TTK: variants seen among roughly 807,000 people sequenced by gnomAD.
The protein encoded by TTK is TTK protein kinase.
Under a neutral mutation model 117.3 loss-of-function variants are expected in TTK, and 59 were observed. The observed-to-expected ratio is 0.50, with a 90% CI of 0.41 to 0.62. TTK has a LOEUF of 0.62. TTK is among the 20% of genes least tolerant of loss of function. The pLI is 0.00. For synonymous variants in TTK, 302 were observed against 325.0 expected (o/e 0.93, Z 0.76); for missense variants, 921 against 989.4 (o/e 0.93, Z 0.93).
intron 2 of TTK, among the ~76,000 whole-genome samples, chr6:80,007,338 T>C (rs1275447543): frequency 1.3e-5 from 2 of 152,130 alleles, no homozygotes; most frequent in African/African-American, 4.8e-5. Context: ...TAATGTTGAA[T>C]GGTTAAGGTT....
At position 80,005,747 on chromosome 6, in the gene TTK, G is replaced by A. The variant is rs934863604; in HGVS notation, c.-2-95G>A. On this transcript the variant is annotated intron_variant, in intron 1 of 21. Coordinates refer to ENST00000369798, the MANE Select transcript of TTK (RefSeq NM_003318.5). ...CTGCATTTAGATGTGTTCACAAAAC[G>A]AATGCTTTAGTCGTCTGGGTTCTAA... 9.9e-6 allele frequency: 14 copies of A among 1,409,636 alleles called. No individual in the cohort carries two copies. In the African/African-American group the frequency reaches 1.3e-4, roughly 13 times the overall value. The allele number at this position is 1,409,636 out of a possible 1,614,324, so 87.3% of individuals were successfully genotyped here.
intron 1 of TTK, among the ~76,000 whole-genome samples, chr6:80,005,299 T>G (rs983848427): frequency 6.6e-6 from 1 of 152,170 alleles, no homozygotes; most frequent in African/African-American, 2.4e-5. Flanking sequence ...TAGTGTTAGA[T>G]TAAGGTAGCA....
chr6:80,040,798 TCA>T, intron 21 of TTK, 95 bp downstream of exon 21: 1 of 1,041,512 alleles, frequency 9.6e-7, no homozygotes, highest in Non-Finnish European at 1.4e-6. Context: ...GTTGGTCCAA[TCA>T]TCAGATCAGT....
At position 80,026,441 on chromosome 6, in the gene TTK, A is replaced by G; in HGVS notation, c.1321A>G (p.Thr441Ala). ...TTCAAAACAGTCACCACCAATATCA[A>G]CATCTAAATGGTTTGACCCAAAATC... ...SVSKQSPPIS[T>A]SKWFDPKSIC... Residue 441 changes from threonine to alanine, a missense_variant, in exon 12 of 22, where the codon ACA becomes GCA. Thr to Ala is a moderately conservative substitution (Grantham distance 58, BLOSUM62 0). Transcript: ENST00000369798. 3.1e-6 allele frequency: 5 copies of G among 1,613,906 alleles called. No individual in the cohort carries two copies. Among genetic ancestry groups the G allele is most frequent in the Non-Finnish European group, 4.2e-6 (5 of 1,179,892 alleles).
chr6:80,008,724 T>C (rs1335897860), intron 4 of TTK, among the ~76,000 whole-genome samples: 3 of 152,090 alleles, frequency 2.0e-5, no homozygotes, highest in Non-Finnish European at 2.9e-5. Context: ...GAACATTGTG[T>C]ATGTGCTACT....
intron 18 of TTK, among the ~76,000 whole-genome samples, chr6:80,039,030 C>T (rs1767978548): frequency 6.6e-6 from 1 of 152,006 alleles, no homozygotes; most frequent in Non-Finnish European, 1.5e-5. Flanking sequence ...CAGTTAGTAA[C>T]ACATCTTCAA....
chr6:80,014,647 A>G, intron 10 of TTK, 61 bp downstream of exon 10: 1 of 1,486,420 alleles, frequency 6.7e-7, no homozygotes, highest in Non-Finnish European at 9.0e-7. Context: ...TGATAGCTTA[A>G]GAAAGCAGAC....
intron 13 of TTK, 83 bp from the exon 14 acceptor site, chr6:80,031,384 T>C (rs1245797170): frequency 1.5e-6 from 1 of 650,850 alleles, no homozygotes; most frequent in East Asian, 3.5e-5. Flanking sequence ...AATTTCAAAA[T>C]GGGGAGCAGT....
chr6:80,029,389 C>T (rs929505501), intron 13 of TTK, among the ~76,000 whole-genome samples: 1 of 152,114 alleles, frequency 6.6e-6, no homozygotes, highest in Non-Finnish European at 1.5e-5. Flanking sequence ...TAGATACTAA[C>T]TGGAAAGAGG....
chr6:80,008,275 C>T (rs978593014), intron 3 of TTK, 111 bp from the exon 4 acceptor site: 7 of 1,117,186 alleles, frequency 6.3e-6, no homozygotes, highest in Non-Finnish European at 8.8e-6. Flanking sequence ...TTTAATTTTA[C>T]CCACAGAAAA....
intron 8 of TTK, 51 bp from the exon 9 acceptor site, chr6:80,013,228 A>AT (rs200223255): frequency 2.6e-3 from 3,591 of 1,379,088 alleles, no homozygotes; most frequent in African/African-American, 3.7e-3. Flanking sequence ...TACATTGAAA[A>AT]TTTTTTTTTT....
chr6:80,020,230 G>A (rs1767421612), intron 10 of TTK, among the ~76,000 whole-genome samples: 2 of 152,150 alleles, frequency 1.3e-5, no homozygotes, highest in South Asian at 4.1e-4. Context: ...TGTTTGCCCT[G>A]ATAGGTAATC....
At chr6:80,035,245 C>T (rs1767864663) in intron 15 of TTK, 21 bp from the exon 16 acceptor site, 1 of 1,566,150 alleles carries the variant, frequency 6.4e-7, no homozygotes, top group African/African-American at 1.4e-5. Flanking sequence ...TGTTTTGTTG[C>T]TTTTATTTGT....
At chr6:80,011,618 T>A (rs927735754) in intron 6 of TTK, 70 bp downstream of exon 6, 27 of 1,524,332 alleles carry the variant, frequency 1.8e-5, no homozygotes, top group Middle Eastern at 1.7e-4. Flanking sequence ...TTAATGTAAT[T>A]ACATGTATCT....
At position 80,007,975 on chromosome 6, in the gene TTK, A is replaced by G; in HGVS notation, c.306A>G (p.Lys102=). 4 of 1,613,582 alleles carry G rather than the reference A, an allele frequency of 2.5e-6. No individual in the cohort carries two copies. The highest frequency in any genetic ancestry group is 2.2e-5 in the South Asian group (2 of 91,064). The part of the protein sequence containing the change: ...SQAIEALPPD[K]YGQNESFARI... ...CAATTGAAGCGCTTCCCCCAGATAA[A>G]TATGGCCAAAATGAGAGTTTTGCTA... Residue 102 remains lysine, a synonymous_variant, in exon 3 of 22, where the codon AAA becomes AAG. Coordinates refer to ENST00000369798, the MANE Select transcript of TTK (RefSeq NM_003318.5).
intron 10 of TTK, among the ~76,000 whole-genome samples, chr6:80,018,768 CTTATT>C (rs983919911): frequency 1.2e-4 from 18 of 151,888 alleles, no homozygotes; most frequent in African/African-American, 4.1e-4. Context: ...TGTCTCATTC[CTTATT>C]TTAAGGGAAA....
intron 10 of TTK, among the ~76,000 whole-genome samples, chr6:80,017,454 T>G (rs1288114720): frequency 1.3e-5 from 2 of 152,138 alleles, no homozygotes; most frequent in Non-Finnish European, 2.9e-5. Flanking sequence ...AATTTTTAGT[T>G]TTTTTGTAGA....
rs188084564 is a variant in TTK, at chr6:80,026,280, T to C, written c.1258-98T>C. On this transcript the variant is annotated intron_variant, in intron 11 of 21. Coordinates refer to ENST00000369798, the MANE Select transcript of TTK (RefSeq NM_003318.5). ...TTTTAGTATGCCTTTGTATATCATA[T>C]GTTATTATTTTATTTTAAAAGTTAT... 3.5e-4 allele frequency: 444 copies of C among 1,261,312 alleles called. 1 individual carries two copies. In the African/African-American group the frequency reaches 6.3e-3, roughly 18 times the overall value. 78.1% of individuals were successfully genotyped at this position (1,261,312 alleles called of 1,614,324 possible). A position where few individuals can be genotyped will look rare whatever the true frequency, so the allele number is the denominator to read the frequency against.
chr6:80,017,479 A>G (rs761635813), intron 10 of TTK, among the ~76,000 whole-genome samples: 10 of 152,004 alleles, frequency 6.6e-5, no homozygotes, highest in Non-Finnish European at 1.3e-4. Flanking sequence ...GAGTCTTGCT[A>G]TGTTGCCCAG....
Sources: allele counts gnomAD v4.1 joint callset (sites outside exome capture counted in the v4.1 genomes callset), GRCh38; gene constraint gnomAD v4.1.1; transcripts MANE v1.5; gene names NCBI Gene and HGNC (gene_info 2026-07-23, HGNC 2026-07-21).